Variants in ACO1 observed in about 807,000 individuals in gnomAD.
ACO1 encodes cytoplasmic aconitate hydratase.
In ACO1, 78 loss-of-function variants were observed where a neutral mutation model predicts 105.1. The observed-to-expected ratio is 0.74, with a 90% CI of 0.62 to 0.90. The LOEUF (loss-of-function observed/expected upper bound fraction) is 0.90. Ranked by LOEUF, ACO1 falls within the 40% of genes least tolerant of loss-of-function variation. The pLI is 0.00. For missense variants in ACO1, 965 were observed against 1,111.1 expected, an observed-to-expected ratio of 0.87 and a Z score of 1.87; for synonymous variants, 364 against 397.4, an observed-to-expected ratio of 0.92 and a Z score of 1.00.
intron 19 of ACO1, 90 bp from the exon 20 acceptor site, chr9:32,448,806 C>G (rs1289473020): frequency 1.4e-6 from 2 of 1,414,226 alleles, no homozygotes; most frequent in Non-Finnish European, 1.0e-6. Flanking sequence ...ATTCGGCCAT[C>G]ATGCCAGCTC....
chr9:32,396,718 T>C (rs1010376888), intron 1 of ACO1, among the ~76,000 whole-genome samples: 13 of 152,196 alleles, frequency 8.5e-5, no homozygotes, highest in African/African-American at 2.4e-4. Context: ...TATTTATTTG[T>C]TTAGTCTGTC....
chr9:32,401,886 T>C (rs1219262849), intron 1 of ACO1, among the ~76,000 whole-genome samples: 1 of 152,246 alleles, frequency 6.6e-6, no homozygotes, highest in South Asian at 2.1e-4. Flanking sequence ...GTGCTAATCA[T>C]AACCCTGTAC....
At chr9:32,386,257 CT>C (rs1821154847) in intron 1 of ACO1, 1 of 152,198 alleles carries the variant, frequency 6.6e-6, no homozygotes, top group South Asian at 2.1e-4. Flanking sequence ...AGGAGGCATG[CT>C]TTTGCCTTCC....
Position 32,450,910 on chromosome 9 carries a change from A to G in ACO1, c.*799A>G, listed in dbSNP as rs966132540. 22 of 147,332 alleles carry G rather than the reference A, an allele frequency of 1.5e-4. No homozygotes were observed. The highest frequency in any genetic ancestry group is 5.6e-4 in the African/African-American group (21 of 37,370). The allele number at this position is 147,332 out of a possible 1,614,324, so 9.1% of individuals were successfully genotyped here. A position where few individuals can be genotyped will look rare whatever the true frequency, so the allele number is the denominator to read the frequency against. On this transcript the variant is annotated 3_prime_UTR_variant, in exon 21 of 21. Transcript: ENST00000309951. The stretch of plus-strand genomic sequence containing the variant: ...TTTAGTACAGAGTGAATCTCACACC[A>G]TATCATTGGGAAGCCTGAATAACCT...
intron 4 of ACO1, among the ~76,000 whole-genome samples, chr9:32,417,749 A>T (rs1385876528): frequency 6.6e-6 from 1 of 152,220 alleles, no homozygotes; most frequent in Non-Finnish European, 1.5e-5. Context: ...GAGAGATGTT[A>T]TAATGAGGTC....
intron 4 of ACO1, among the ~76,000 whole-genome samples, chr9:32,409,458 G>C (rs971096409): frequency 1.3e-5 from 2 of 152,314 alleles, no homozygotes; most frequent in Non-Finnish European, 2.9e-5. Context: ...CCTTTAGGTG[G>C]GGAAAAACTA....
chr9:32,424,263 A>G (rs573787587), intron 9 of ACO1, among the ~76,000 whole-genome samples: 3 of 152,296 alleles, frequency 2.0e-5, no homozygotes, highest in Admixed American at 2.0e-4. Flanking sequence ...AGGATGGGCG[A>G]GTGGAGGACA....
In ACO1 at chr9:32,405,653, A is replaced by C. The variant is rs138982398; in HGVS notation, c.97+50A>C. On this transcript the variant is annotated intron_variant, in intron 2 of 20. Transcript: ENST00000309951. ...TTGGAATCTCATTTGCACAATGATTAGGCTATGTAATTAATTACACTTGAG... is the reference window on the plus strand; with the variant it reads ...TTGGAATCTCATTTGCACAATGATTCGGCTATGTAATTAATTACACTTGAG... 101 of 1,305,950 alleles carry C rather than the reference A, an allele frequency of 7.7e-5. No homozygotes were observed. The Middle Eastern group carries it at 9.3e-4, about 12-fold the overall frequency. 80.9% of individuals were successfully genotyped at this position (1,305,950 alleles called of 1,614,324 possible).
At chr9:32,415,897 A>G (rs1366460756) in intron 4 of ACO1, among the ~76,000 whole-genome samples, 1 of 151,942 alleles carries the variant, frequency 6.6e-6, no homozygotes, top group Non-Finnish European at 1.5e-5. Flanking sequence ...CAGCCTTTAA[A>G]AATGTAAAAA....
intron 4 of ACO1, among the ~76,000 whole-genome samples, chr9:32,417,554 G>A (rs1334553501): frequency 1.3e-5 from 2 of 152,330 alleles, no homozygotes; most frequent in Non-Finnish European, 2.9e-5. Flanking sequence ...GAATGACGTT[G>A]AGTAAATCTT....
At chr9:32,434,215 G>A (rs1167950147) in intron 16 of ACO1, among the ~76,000 whole-genome samples, 1 of 152,196 alleles carries the variant, frequency 6.6e-6, no homozygotes, top group African/African-American at 2.4e-5. Context: ...GTGGGTCACT[G>A]TGGGAAGGGA....
At chr9:32,401,564 C>T (rs1457414777) in intron 1 of ACO1, among the ~76,000 whole-genome samples, 1 of 152,100 alleles carries the variant, frequency 6.6e-6, no homozygotes, top group Non-Finnish European at 1.5e-5. Flanking sequence ...CAAGGTGTCC[C>T]TAGGGAATGG....
intron 19 of ACO1, among the ~76,000 whole-genome samples, chr9:32,446,835 A>G (rs1439086826): frequency 6.6e-6 from 1 of 152,154 alleles, no homozygotes; most frequent in East Asian, 1.9e-4. Flanking sequence ...ATGTCTCCTT[A>G]ACATATGAAG....
intron 19 of ACO1, among the ~76,000 whole-genome samples, chr9:32,448,130 A>C (rs1180804737): frequency 1.3e-5 from 2 of 152,132 alleles, no homozygotes; most frequent in African/African-American, 4.8e-5. Context: ...AAGTGTGCTG[A>C]AGCTGCACCT....
At chr9:32,442,977 A>G (rs1485534397) in intron 19 of ACO1, among the ~76,000 whole-genome samples, 1 of 152,226 alleles carries the variant, frequency 6.6e-6, no homozygotes, top group African/African-American at 2.4e-5. Flanking sequence ...TTATCACTAG[A>G]GGATAACATT....
At chr9:32,417,955 A>G (rs1032374762) in intron 4 of ACO1, among the ~76,000 whole-genome samples, 173 bp from the exon 5 acceptor site, 2 of 152,210 alleles carry the variant, frequency 1.3e-5, no homozygotes, top group Non-Finnish European at 2.9e-5. Flanking sequence ...TACTCTCTTT[A>G]CTTTCACTAG....
At chr9:32,430,622 A>G (rs375757651) in intron 14 of ACO1, 48 bp downstream of exon 14, 6 of 1,554,340 alleles carry the variant, frequency 3.9e-6, no homozygotes, top group Non-Finnish European at 5.2e-6. Context: ...TGAATTCAGA[A>G]ATATTACTAG....
intron 1 of ACO1, among the ~76,000 whole-genome samples, chr9:32,397,774 G>A (rs1414825821): frequency 1.3e-5 from 2 of 152,148 alleles, no homozygotes; most frequent in African/African-American, 2.4e-5. Context: ...TTCAGAAGGT[G>A]TAGGAAGAGA....
At chr9:32,399,429 T>G (rs1821441050) in intron 1 of ACO1, among the ~76,000 whole-genome samples, 1 of 152,230 alleles carries the variant, frequency 6.6e-6, no homozygotes, top group Non-Finnish European at 1.5e-5. Flanking sequence ...ATGAATTCTA[T>G]TGCCTGGTTT....
Sources: allele counts gnomAD v4.1 joint callset (sites outside exome capture counted in the v4.1 genomes callset), GRCh38; gene constraint gnomAD v4.1.1; transcripts MANE v1.5; gene names NCBI Gene and HGNC (gene_info 2026-07-23, HGNC 2026-07-21).